Variants in GRM8 observed in about 807,000 individuals in gnomAD.
The protein encoded by GRM8 is metabotropic glutamate receptor 8.
Under a neutral mutation model 87.2 loss-of-function variants are expected in GRM8, and 47 were observed. That is an observed-to-expected ratio of 0.54 (90% CI 0.43 to 0.69). The LOEUF (loss-of-function observed/expected upper bound fraction) is 0.69. GRM8 is among the 30% of genes least tolerant of loss of function. The pLI is 0.00. For synonymous variants in GRM8, 396 were observed against 404.5 expected (o/e 0.98, Z 0.25); for missense variants, 1,019 against 1,139.2 (o/e 0.89, Z 1.52).
chr7:126,904,260 C>A, intron 4 of GRM8, 134 bp from the exon 5 acceptor site: 3 of 735,714 alleles, frequency 4.1e-6, no homozygotes, highest in Non-Finnish European at 6.7e-6. Context: ...ATCATTCTAA[C>A]TGCCCGAGTC....
chr7:126,986,046 C>G (rs1347621225), intron 3 of GRM8, among the ~76,000 whole-genome samples: 3 of 151,454 alleles, frequency 2.0e-5, no homozygotes, highest in Non-Finnish European at 2.9e-5. Context: ...GGGTCTTGTT[C>G]TATTGTCCCA....
chr7:126,921,067 C>G (rs1465451568), intron 3 of GRM8, among the ~76,000 whole-genome samples: 7 of 152,056 alleles, frequency 4.6e-5, no homozygotes, highest in Non-Finnish European at 8.8e-5. Context: ...TTGAGAGGAG[C>G]CTTTACCGTG....
chr7:126,960,032 T>C (rs1315679651), intron 3 of GRM8, among the ~76,000 whole-genome samples: 5 of 152,298 alleles, frequency 3.3e-5, no homozygotes, highest in Admixed American at 2.0e-4. Context: ...GTTATTGAGC[T>C]CTTTATTTTT....
At chr7:127,209,436 C>T (rs1176375056) in intron 2 of GRM8, among the ~76,000 whole-genome samples, 4 of 152,180 alleles carry the variant, frequency 2.6e-5, no homozygotes, top group African/African-American at 9.7e-5. Context: ...ATTCCAGAAA[C>T]CCTGAGAATC....
intron 3 of GRM8, among the ~76,000 whole-genome samples, chr7:126,956,921 T>C (rs1202115545): frequency 6.6e-6 from 1 of 152,212 alleles, no homozygotes; most frequent in Non-Finnish European, 1.5e-5. Flanking sequence ...GAATTAGTTA[T>C]AAACACAGAT....
At chr7:127,224,038 G>A (rs1343415500) in intron 2 of GRM8, among the ~76,000 whole-genome samples, 1 of 151,776 alleles carries the variant, frequency 6.6e-6, no homozygotes, top group African/African-American at 2.4e-5. Context: ...AAATTAGGCT[G>A]GGGAAAAAAA....
chr7:127,106,399 T>G, intron 3 of GRM8, 97 bp downstream of exon 3: 1 of 922,724 alleles, frequency 1.1e-6, no homozygotes, highest in Non-Finnish European at 1.7e-6. Context: ...CTGTAGGAGT[T>G]CCAATTATTC....
intron 6 of GRM8, among the ~76,000 whole-genome samples, chr7:126,822,487 CCT>C (rs1366281086): frequency 2.0e-5 from 3 of 150,808 alleles, no homozygotes; most frequent in Non-Finnish European, 4.4e-5. Context: ...TCTTTCTTTT[CCT>C]CTGTCTTTCT....
intron 2 of GRM8, among the ~76,000 whole-genome samples, chr7:127,231,332 T>A (rs535397942): frequency 4.1e-4 from 62 of 152,228 alleles, no homozygotes; most frequent in Non-Finnish European, 7.1e-4. Flanking sequence ...AGGATAGGAC[T>A]AGACCACATT....
intron 3 of GRM8, among the ~76,000 whole-genome samples, chr7:126,986,944 C>A (rs1812134046): frequency 6.6e-6 from 1 of 152,118 alleles, no homozygotes; most frequent in South Asian, 2.1e-4. Context: ...CTCATAACAA[C>A]CTTATGAGTT....
intron 7 of GRM8, among the ~76,000 whole-genome samples, chr7:126,723,299 C>T (rs1812630628): frequency 6.6e-6 from 1 of 151,936 alleles, no homozygotes; most frequent in Admixed American, 6.6e-5. Context: ...TTTATTTCAC[C>T]TATATTTAGA....
intron 2 of GRM8, among the ~76,000 whole-genome samples, chr7:127,156,979 T>C (rs1327163863): frequency 6.6e-6 from 1 of 152,096 alleles, no homozygotes; most frequent in African/African-American, 2.4e-5. Context: ...AAAAAAGATA[T>C]AAAGTGTAAT....
At chr7:126,480,664 A>C (rs763033606) in intron 9 of GRM8, among the ~76,000 whole-genome samples, 1 of 152,130 alleles carries the variant, frequency 6.6e-6, no homozygotes, top group Non-Finnish European at 1.5e-5. Flanking sequence ...GTTGGTTCAA[A>C]GTCAGAGGTA....
intron 8 of GRM8, among the ~76,000 whole-genome samples, chr7:126,585,635 T>G (rs922473509): frequency 6.6e-6 from 1 of 152,144 alleles, no homozygotes; most frequent in Non-Finnish European, 1.5e-5. Flanking sequence ...CAACAGCCCT[T>G]CATGCTAAAA....
intron 7 of GRM8, among the ~76,000 whole-genome samples, chr7:126,746,515 T>G (rs1227186460): frequency 6.6e-6 from 1 of 151,710 alleles, no homozygotes; most frequent in African/African-American, 2.4e-5. Flanking sequence ...ATTTAAACTT[T>G]TTAAATTTAA....
intron 3 of GRM8, among the ~76,000 whole-genome samples, chr7:126,938,804 T>C (rs1806598796): frequency 1.3e-5 from 2 of 152,158 alleles, no homozygotes; most frequent in Admixed American, 6.5e-5. Context: ...TGTGCAAATA[T>C]TTAGTAACAA....
At chr7:126,591,974 T>C (rs576318907) in intron 8 of GRM8, among the ~76,000 whole-genome samples, 1 of 151,802 alleles carries the variant, frequency 6.6e-6, no homozygotes, top group South Asian at 2.1e-4. Context: ...CAATGAACAA[T>C]TACGTGCAAA....
At chr7:126,789,339 T>C (rs528456206) in intron 6 of GRM8, among the ~76,000 whole-genome samples, 1 of 152,114 alleles carries the variant, frequency 6.6e-6, no homozygotes, top group East Asian at 1.9e-4. Context: ...TTTATAATTA[T>C]GGCCCAGCAA....
intron 9 of GRM8, chr7:126,447,083 C>T (rs1461943231): frequency 6.6e-6 from 1 of 151,928 alleles, no homozygotes; most frequent in Non-Finnish European, 1.5e-5. Context: ...AATTCTCCCC[C>T]TGTGCTCATT....
Sources: allele counts gnomAD v4.1 joint callset (sites outside exome capture counted in the v4.1 genomes callset), GRCh38; gene constraint gnomAD v4.1.1; transcripts MANE v1.5; gene names NCBI Gene and HGNC (gene_info 2026-07-23, HGNC 2026-07-21).